The following DGKH variants were observed in gnomAD, a reference collection of about 807,000 sequenced individuals.
The protein encoded by DGKH is DAG kinase eta.
A neutral mutation model predicts 159.3 loss-of-function variants in DGKH; 90 were observed. That is an observed-to-expected ratio of 0.57 (90% confidence interval 0.48 to 0.67). DGKH has a LOEUF of 0.67. DGKH is among the 30% of genes least tolerant of loss of function. The probability of loss-of-function intolerance (pLI) is 0.00; values close to 1 mark genes in which losing one functional copy is unlikely to be tolerated. For synonymous variants in DGKH, 536 were observed against 553.8 expected, an observed-to-expected ratio of 0.97 and a Z score of 0.45; for missense variants, 1,181 against 1,506.1, an observed-to-expected ratio of 0.78 and a Z score of 3.57.
chr13:42,102,296 G>A (rs1401079185), intron 1 of DGKH, among the ~76,000 whole-genome samples: 1 of 152,270 alleles, frequency 6.6e-6, no homozygotes, highest in Non-Finnish European at 1.5e-5. Context: ...GCAGAGCAAA[G>A]AGGCAGCTGC....
intron 20 of DGKH, among the ~76,000 whole-genome samples, chr13:42,200,941 T>A (rs1387524963): frequency 6.6e-6 from 1 of 152,250 alleles, no homozygotes; most frequent in East Asian, 1.9e-4. Context: ...AATCATGTAA[T>A]CATTCCTTTT....
intron 26 of DGKH, among the ~76,000 whole-genome samples, chr13:42,216,093 T>C (rs1233757172): frequency 6.6e-6 from 1 of 152,232 alleles, no homozygotes. Flanking sequence ...CTAGACACAG[T>C]GTTTCAAGAA....
intron 1 of DGKH, among the ~76,000 whole-genome samples, chr13:42,054,884 TAAAGA>T (rs141824550): frequency 7.9e-3 from 1,205 of 152,124 alleles, no homozygotes; most frequent in Non-Finnish European, 0.012. Flanking sequence ...TATACCTTAG[TAAAGA>T]AAAAGAAAAA....
intron 1 of DGKH, among the ~76,000 whole-genome samples, chr13:42,072,357 G>A (rs973266065): frequency 6.6e-6 from 1 of 152,118 alleles, no homozygotes; most frequent in East Asian, 1.9e-4. Context: ...GACAATCAAT[G>A]TACCTACCTC....
At chr13:42,124,404 G>A (rs1955131345) in intron 1 of DGKH, among the ~76,000 whole-genome samples, 1 of 152,050 alleles carries the variant, frequency 6.6e-6, no homozygotes, top group Non-Finnish European at 1.5e-5. Flanking sequence ...ATTGTTATAA[G>A]CAAAACTTTA....
intron 11 of DGKH, among the ~76,000 whole-genome samples, chr13:42,171,660 T>C (rs1956457829): frequency 6.6e-6 from 1 of 152,200 alleles, no homozygotes; most frequent in African/African-American, 2.4e-5. Context: ...TTACAAAGTT[T>C]AATTGTTTTG....
chr13:42,089,712 C>T, intron 1 of DGKH, among the ~76,000 whole-genome samples: 1 of 152,092 alleles, frequency 6.6e-6, no homozygotes, highest in Non-Finnish European at 1.5e-5. Flanking sequence ...TTCATTGGGC[C>T]CCCTTGGGTA....
chr13:42,190,147 A>G (rs1160386575), intron 15 of DGKH, among the ~76,000 whole-genome samples: 2 of 152,112 alleles, frequency 1.3e-5, no homozygotes, highest in Admixed American at 1.3e-4. Context: ...ATAGATTGTA[A>G]CTTGTAATTG....
chr13:42,179,156 A>T (rs1956680675), intron 13 of DGKH, among the ~76,000 whole-genome samples: 1 of 152,222 alleles, frequency 6.6e-6, no homozygotes, highest in Admixed American at 6.5e-5. Context: ...AATGGCTTAC[A>T]GCAAGGGAAG....
At chr13:42,131,728 G>A (rs1207610826) in intron 3 of DGKH, among the ~76,000 whole-genome samples, 1 of 152,178 alleles carries the variant, frequency 6.6e-6, no homozygotes, top group Admixed American at 6.6e-5. Flanking sequence ...ACAAACAAAT[G>A]AATTGATCCA....
chr13:42,193,279 A>G (rs1219124328), intron 16 of DGKH, among the ~76,000 whole-genome samples: 1 of 152,234 alleles, frequency 6.6e-6, no homozygotes, highest in Non-Finnish European at 1.5e-5. Flanking sequence ...CCACCTTGCC[A>G]TACTCTTAAA....
chr13:42,192,821 ACCC>A (rs1481663442), intron 16 of DGKH, among the ~76,000 whole-genome samples: 1 of 151,986 alleles, frequency 6.6e-6, no homozygotes, highest in Non-Finnish European at 1.5e-5. Flanking sequence ...TCCTTGTTGC[ACCC>A]ATTTGGTCAA....
chr13:42,133,189 T>C (rs1337214109), intron 3 of DGKH, among the ~76,000 whole-genome samples: 3 of 151,712 alleles, frequency 2.0e-5, no homozygotes, highest in African/African-American at 7.3e-5. Context: ...AAAAAATTTT[T>C]TTTTTTACTA....
At chr13:42,251,577 T>A (rs1265474338) in intron 29 of DGKH, among the ~76,000 whole-genome samples, 1 of 152,030 alleles carries the variant, frequency 6.6e-6, no homozygotes, top group East Asian at 1.9e-4. Context: ...TCTCCTCTGA[T>A]TTCTCATCCT....
At chr13:42,040,661 G>A (rs1187831816) in intron 1 of DGKH, among the ~76,000 whole-genome samples, 1 of 151,292 alleles carries the variant, frequency 6.6e-6, no homozygotes, top group Non-Finnish European at 1.5e-5. Flanking sequence ...GAAGGAGGAG[G>A]CGGCGGAGGA....
chr13:42,243,330 G>A (rs1044988143), downstream of DGKH, among the ~76,000 whole-genome samples: 5 of 152,156 alleles, frequency 3.3e-5, no homozygotes. Flanking sequence ...TGTATTGATA[G>A]TTCATTTCTT....
chr13:42,160,465 A>G (rs1183120892), intron 7 of DGKH, among the ~76,000 whole-genome samples: 1 of 152,230 alleles, frequency 6.6e-6, no homozygotes. Flanking sequence ...CTTCTCTGGT[A>G]TGTCACCAAA....
At chr13:42,195,557 C>T (rs534545170) in intron 17 of DGKH, among the ~76,000 whole-genome samples, 15 of 152,262 alleles carry the variant, frequency 9.9e-5, no homozygotes, top group East Asian at 9.7e-4. Flanking sequence ...AATTATGAGT[C>T]GGTAGTTCTG....
In DGKH at chr13:42,074,238, G is replaced by T. The variant is rs184832053; in HGVS notation, c.192+25273G>T. Among the ~76,000 whole-genome samples, 15 of 152,270 alleles carry T rather than the reference G, an allele frequency of 9.9e-5. No homozygotes were observed. The East Asian group carries it at 2.9e-3, about 29-fold the overall frequency. Reference sequence around the variant, plus strand: ...AATTATTACTGGGGTAATGTGTTTTGTTTTAAAGAGTAATTTGGCTTAGGT... The same window carrying T: ...AATTATTACTGGGGTAATGTGTTTTTTTTTAAAGAGTAATTTGGCTTAGGT... On this transcript the variant is annotated intron_variant, in intron 1 of 29. Transcript: ENST00000337343.
Sources: gnomAD v4.1 joint callset for allele counts (sites outside exome capture counted in the v4.1 genomes callset) on GRCh38, gnomAD v4.1.1 for gene constraint, MANE v1.5 for transcripts, NCBI Gene and HGNC (gene_info 2026-07-23, HGNC 2026-07-21) for gene names.